Variants in PTDSS1 observed in about 807,000 individuals in gnomAD.
The protein encoded by PTDSS1 is phosphatidylserine synthase 1.
Under a neutral mutation model 70.5 loss-of-function variants are expected in PTDSS1, and 45 were observed. That is an observed-to-expected ratio of 0.64 (90% CI 0.50 to 0.82). The LOEUF is 0.82. PTDSS1 is among the 40% of genes least tolerant of loss of function. The pLI is 0.00. For missense variants in PTDSS1, 417 were observed against 586.1 expected (o/e 0.71, Z 2.98); for synonymous variants, 188 against 203.8 (o/e 0.92, Z 0.66).
intron 4 of PTDSS1, among the ~76,000 whole-genome samples, chr8:96,294,399 G>A (rs1456213206): frequency 1.3e-5 from 2 of 152,088 alleles, no homozygotes; most frequent in Non-Finnish European, 2.9e-5. Flanking sequence ...ATATTGTCAT[G>A]CAGTCATATG....
Position 96,299,808 on chromosome 8 carries a change from T to A in PTDSS1, c.715T>A (p.Phe239Ile). 1 of 1,613,912 alleles carries A rather than the reference T, an allele frequency of 6.2e-7. No individual in the cohort carries two copies. The highest frequency in any genetic ancestry group is 8.5e-7 in the Non-Finnish European group (1 of 1,179,936). Residue 239 changes from phenylalanine to isoleucine, a missense_variant, in exon 6 of 13, where the codon TTT (phenylalanine) becomes ATT (isoleucine). Physicochemically the swap from Phe to Ile is conservative, Grantham distance 21 (BLOSUM62 0). Transcript: ENST00000517309. ...GIWLGMVVCR[F>I]LEMRTYHWAS... ...TTGGCTGGGCATGGTCGTTTGCCGG[T>A]TTTTAGAGATGAGGACTTACCACTG...
chr8:96,272,367 G>A lies in PTDSS1; in HGVS notation c.180-932G>A, dbSNP rs1280478861. On this transcript the variant is annotated intron_variant, in intron 1 of 12. Transcript: ENST00000517309. Reference sequence around the variant, plus strand: ...AGAATATATTTATTATAAAGTATGAGTTACAGAATGAACCTTCTTTTCCCA... The same window carrying A: ...AGAATATATTTATTATAAAGTATGAATTACAGAATGAACCTTCTTTTCCCA... 2.6e-5 allele frequency among the ~76,000 whole-genome samples: 4 copies of A among 152,200 alleles called. No homozygotes were observed. In the South Asian group the frequency reaches 6.2e-4, roughly 24 times the overall value.
intron 1 of PTDSS1, among the ~76,000 whole-genome samples, chr8:96,264,591 A>G (rs542112785): frequency 6.6e-6 from 1 of 152,334 alleles, no homozygotes; most frequent in African/African-American, 2.4e-5. Context: ...AAAAATAATT[A>G]TGGTATTTTG....
In PTDSS1 at chr8:96,305,168, T is replaced by C. The variant is rs555756573; in HGVS notation, c.894+987T>C. ...TTTCTTTTATTACAAGGAGGAATGA[T>C]TGGATGTGTCAAGGAGAGTAGTATA... On this transcript the variant is annotated intron_variant, in intron 7 of 12. Transcript: ENST00000517309. 2.0e-5 allele frequency among the ~76,000 whole-genome samples: 3 copies of C among 152,328 alleles called. No individual in the cohort carries two copies. In the East Asian group the frequency reaches 5.8e-4, roughly 29 times the overall value.
chr8:96,334,571 T>A lies in PTDSS1; in HGVS notation c.*1005T>A, dbSNP rs904980924. On this transcript the variant is annotated 3_prime_UTR_variant, in exon 13 of 13. Coordinates refer to ENST00000517309, the MANE Select transcript of PTDSS1 (RefSeq NM_014754.3). ...TATCAAAGGTCTGTCTGTAAAATGC[T>A]CATTTTCTTGCATCTTACTGGTATC... The A allele has an allele frequency of 2.6e-5, 4 of 152,700 alleles. No homozygotes were observed. Among genetic ancestry groups the A allele is most frequent in the Non-Finnish European group, 1.5e-5 (1 of 68,052 alleles). The allele number at this position is 152,700 out of a possible 1,614,324, so 9.5% of individuals were successfully genotyped here. A position where few individuals can be genotyped will look rare whatever the true frequency, so the allele number is the denominator to read the frequency against.
intron 8 of PTDSS1, among the ~76,000 whole-genome samples, chr8:96,307,098 G>T (rs943464823): frequency 6.6e-6 from 1 of 152,168 alleles, no homozygotes; most frequent in Non-Finnish European, 1.5e-5. Flanking sequence ...CCCTAGAGGT[G>T]AGGCTTATTC....
At position 96,298,963 on chromosome 8, in the gene PTDSS1, C is replaced by A. The variant is rs561245570; in HGVS notation, c.601-731C>A. Among the ~76,000 whole-genome samples the A allele has an allele frequency of 5.9e-5, 9 of 151,826 alleles. No homozygotes were observed. In the South Asian group the frequency reaches 1.9e-3, roughly 32 times the overall value. On this transcript the variant is annotated intron_variant, in intron 5 of 12. Transcript: ENST00000517309. ...GCTGAGGCAGGAGAATTGCTTGAAC[C>A]CGGGAGGCAGAGGTTGCAGTGAGCC... is the stretch of plus-strand genomic sequence containing the variant.
intron 12 of PTDSS1, among the ~76,000 whole-genome samples, chr8:96,333,087 A>G (rs946388225): frequency 5.3e-5 from 8 of 152,226 alleles, no homozygotes; most frequent in African/African-American, 9.6e-5. Flanking sequence ...CCTTGGTTGC[A>G]GGGCAGGATG....
At chr8:96,282,003 C>T (rs551814254) in intron 2 of PTDSS1, among the ~76,000 whole-genome samples, 3 of 152,286 alleles carry the variant, frequency 2.0e-5, no homozygotes, top group South Asian at 2.1e-4. Context: ...TATGATTGCT[C>T]TTGAGAATAA....
intron 2 of PTDSS1, among the ~76,000 whole-genome samples, chr8:96,275,298 G>A (rs1403638039): frequency 6.6e-6 from 1 of 152,130 alleles, no homozygotes; most frequent in Non-Finnish European, 1.5e-5. Context: ...TGGGACTGCA[G>A]GGATACATCA....
At chr8:96,282,539 C>CAAAT (rs1429010173) in intron 2 of PTDSS1, among the ~76,000 whole-genome samples, 1 of 152,170 alleles carries the variant, frequency 6.6e-6, no homozygotes, top group Admixed American at 6.5e-5. Flanking sequence ...GAACCAAACG[C>CAAAT]AAATGCATTT....
In PTDSS1 at chr8:96,333,884, G is replaced by A. The variant is rs745819646; in HGVS notation, c.*318G>A. The A allele has an allele frequency of 6.5e-6, 4 of 619,734 alleles. No homozygotes were observed. Among genetic ancestry groups the A allele is most frequent in the Non-Finnish European group, 1.2e-5 (4 of 344,008 alleles). 38.4% of individuals were successfully genotyped at this position (619,734 alleles called of 1,614,324 possible). ...TCACAGTTGCCAAGAGCAGCTCCGCGCCTGCTGGATCGTGGATGCAGCGTA... is the reference window on the plus strand; with the variant it reads ...TCACAGTTGCCAAGAGCAGCTCCGCACCTGCTGGATCGTGGATGCAGCGTA... On this transcript the variant is annotated 3_prime_UTR_variant, in exon 13 of 13. Transcript: ENST00000517309.
At chr8:96,315,785 C>A (rs1011636418) in intron 9 of PTDSS1, among the ~76,000 whole-genome samples, 1 of 152,142 alleles carries the variant, frequency 6.6e-6, no homozygotes, top group Non-Finnish European at 1.5e-5. Flanking sequence ...GGAGTGGAGG[C>A]CCTGACTGAA....
At chr8:96,285,507 C>T (rs1482120289) in intron 3 of PTDSS1, among the ~76,000 whole-genome samples, 3 of 152,184 alleles carry the variant, frequency 2.0e-5, no homozygotes, top group East Asian at 3.8e-4. Flanking sequence ...CTGGCTATAA[C>T]GTGCATACCT....
intron 10 of PTDSS1, among the ~76,000 whole-genome samples, chr8:96,325,986 A>G (rs1339226807): frequency 6.6e-6 from 1 of 152,104 alleles, no homozygotes; most frequent in Non-Finnish European, 1.5e-5. Flanking sequence ...AGAAACTTCA[A>G]GAAGGAAGAA....
At chr8:96,303,749 G>C (rs1333458252) in intron 6 of PTDSS1, among the ~76,000 whole-genome samples, 1 of 152,192 alleles carries the variant, frequency 6.6e-6, no homozygotes, top group Non-Finnish European at 1.5e-5. Context: ...GAAGTGTTGT[G>C]GGTGATGCAA....
At chr8:96,313,292 G>A (rs1811238232) in intron 9 of PTDSS1, among the ~76,000 whole-genome samples, 1 of 152,182 alleles carries the variant, frequency 6.6e-6, no homozygotes, top group South Asian at 2.1e-4. Context: ...CAGAGAGAGG[G>A]CGCCATCCAG....
At chr8:96,281,770 T>A (rs1810740902) in intron 2 of PTDSS1, among the ~76,000 whole-genome samples, 1 of 152,174 alleles carries the variant, frequency 6.6e-6, no homozygotes, top group South Asian at 2.1e-4. Context: ...CAGGTGCTCC[T>A]CATGACTCAG....
intron 10 of PTDSS1, among the ~76,000 whole-genome samples, chr8:96,321,745 G>A (rs1212823302): frequency 6.6e-6 from 1 of 152,030 alleles, no homozygotes; most frequent in African/African-American, 2.4e-5. Context: ...CCTTTAACGG[G>A]ATCTATTTTT....
Sources: allele counts gnomAD v4.1 joint callset (sites outside exome capture counted in the v4.1 genomes callset), GRCh38; gene constraint gnomAD v4.1.1; transcripts MANE v1.5; gene names NCBI Gene and HGNC (gene_info 2026-07-23, HGNC 2026-07-21).